Variants in ZFAT observed in about 807,000 individuals in gnomAD.
ZFAT encodes the protein zinc finger and AT-hook domain containing, also known as zinc finger protein ZFAT.
A neutral mutation model predicts 117.7 loss-of-function variants in ZFAT; 64 were observed. The observed-to-expected ratio is 0.54, with a 90% CI of 0.44 to 0.67. ZFAT has a LOEUF of 0.67. Ranked by LOEUF, ZFAT falls within the 30% of genes least tolerant of loss-of-function variation. ZFAT has a pLI of 0.00. For missense variants in ZFAT, 1,433 were observed against 1,584.5 expected, an observed-to-expected ratio of 0.90 and a Z score of 1.62; for synonymous variants, 679 against 615.0, an observed-to-expected ratio of 1.10 and a Z score of -1.54.
At position 134,621,420 on chromosome 8, in the gene ZFAT, A is replaced by G. The variant is rs958062205; in HGVS notation, c.449-10765T>C. 2.6e-5 allele frequency among the ~76,000 whole-genome samples: 4 copies of G among 152,278 alleles called. No individual in the cohort carries two copies. The East Asian group carries it at 7.7e-4, about 29-fold the overall frequency. ...TTACAAAGCACTGTCTTGAGCATTA[A>G]CTAGCACCTGTATCTCTACTATTAT... On this transcript the variant is annotated intron_variant, in intron 3 of 15. Transcript: ENST00000377838.
Position 134,712,945 on chromosome 8 carries a change from C to A in ZFAT, c.-82G>T. 7.1e-7 allele frequency: 1 copy of A among 1,404,092 alleles called. No individual in the cohort carries two copies. Among genetic ancestry groups the A allele is most frequent in the Non-Finnish European group, 9.4e-7 (1 of 1,066,988 alleles). 87.0% of individuals were successfully genotyped at this position (1,404,092 alleles called of 1,614,324 possible). A position where few individuals can be genotyped will look rare whatever the true frequency, so the allele number is the denominator to read the frequency against. On this transcript the variant is annotated 5_prime_UTR_variant, in exon 1 of 16. It adds an upstream start codon to the 5' untranslated region. Transcript: ENST00000377838. The stretch of plus-strand genomic sequence containing the variant: ...GTGCCGACCGAGGGGGCGGGGCGCC[C>A]TGCTGACGCTTCGCTTTTTATTTTT...
At chr8:134,648,550 TAGAC>T (rs1192456976) in intron 2 of ZFAT, among the ~76,000 whole-genome samples, 1 of 152,010 alleles carries the variant, frequency 6.6e-6, no homozygotes, top group Non-Finnish European at 1.5e-5. Flanking sequence ...GTCAACAAAT[TAGAC>T]AATCTAGACA....
chr8:134,548,771 C>T (rs117796025), intron 11 of ZFAT, among the ~76,000 whole-genome samples: 5,585 of 152,226 alleles, frequency 0.037, 144 homozygotes, highest in Non-Finnish European at 0.057. Context: ...AGAGGGCACA[C>T]CATGGAAAAC....
intron 11 of ZFAT, among the ~76,000 whole-genome samples, chr8:134,538,617 C>T (rs1405940119): frequency 2.0e-5 from 3 of 151,752 alleles, no homozygotes; most frequent in East Asian, 1.9e-4. Context: ...GGTAACATGG[C>T]GAAACCCCTT....
intron 2 of ZFAT, among the ~76,000 whole-genome samples, chr8:134,645,503 GA>G (rs1211335397): frequency 2.6e-5 from 4 of 151,918 alleles, no homozygotes; most frequent in African/African-American, 9.7e-5. Context: ...ACACAAAAAA[GA>G]AAACATACGG....
chr8:134,687,589 T>C (rs1173179140), intron 1 of ZFAT, among the ~76,000 whole-genome samples: 1 of 151,550 alleles, frequency 6.6e-6, no homozygotes, highest in Non-Finnish European at 1.5e-5. Context: ...CGAGAGCAGA[T>C]GTGTGGGAAG....
intron 4 of ZFAT, among the ~76,000 whole-genome samples, chr8:134,610,095 G>C (rs932083363): frequency 8.5e-5 from 13 of 152,198 alleles, no homozygotes; most frequent in Non-Finnish European, 1.3e-4. Flanking sequence ...TGGCTGAATG[G>C]GCTGGCCTCA....
intron 9 of ZFAT, 48 bp from the exon 10 acceptor site, chr8:134,584,053 T>A (rs1358364881): frequency 1.3e-6 from 2 of 1,505,634 alleles, no homozygotes; most frequent in South Asian, 2.5e-5. Context: ...CATACGTTTA[T>A]GCATATGTGT....
intron 11 of ZFAT, among the ~76,000 whole-genome samples, chr8:134,557,607 C>T (rs1222175982): frequency 6.6e-6 from 1 of 151,816 alleles, no homozygotes; most frequent in Non-Finnish European, 1.5e-5. Flanking sequence ...TACAACTGTT[C>T]TAAAATAAAA....
intron 3 of ZFAT, among the ~76,000 whole-genome samples, chr8:134,624,899 T>C (rs1045940045): frequency 6.6e-6 from 1 of 150,720 alleles, no homozygotes; most frequent in Non-Finnish European, 1.5e-5. Flanking sequence ...TATTCTAAAG[T>C]ACCTATTCTA....
At chr8:134,531,879 C>T (rs919791288) in intron 12 of ZFAT, among the ~76,000 whole-genome samples, 2 of 152,210 alleles carry the variant, frequency 1.3e-5, no homozygotes, top group African/African-American at 2.4e-5. Flanking sequence ...CGGAGCTTCA[C>T]GCTGAAACAA....
intron 1 of ZFAT, among the ~76,000 whole-genome samples, chr8:134,710,575 C>A (rs2131371703): frequency 6.6e-6 from 1 of 152,300 alleles, no homozygotes; most frequent in South Asian, 2.1e-4. Context: ...GATCCCATAT[C>A]CAAAATGCTT....
Position 134,618,147 on chromosome 8 carries a change from G to T in ZFAT, c.449-7492C>A, listed in dbSNP as rs139572849. Reference sequence around the variant, plus strand: ...TGAACCTCTTTTTCTTCCCAGTCTCGGGAAGAAAAATGTCTTTATCAGCAG... The same window carrying T: ...TGAACCTCTTTTTCTTCCCAGTCTCTGGAAGAAAAATGTCTTTATCAGCAG... On this transcript the variant is annotated intron_variant, in intron 3 of 15. Coordinates refer to ENST00000377838, the MANE Select transcript of ZFAT (RefSeq NM_020863.4). Among the ~76,000 whole-genome samples, 484 of 152,064 alleles carry T rather than the reference G, an allele frequency of 3.2e-3. 1 individual carries two copies. Among genetic ancestry groups the T allele is most frequent in the Non-Finnish European group, 4.4e-3 (302 of 67,986 alleles).
At chr8:134,484,548 T>C (rs1255376050) in intron 15 of ZFAT, among the ~76,000 whole-genome samples, 1 of 152,168 alleles carries the variant, frequency 6.6e-6, no homozygotes, top group Non-Finnish European at 1.5e-5. Flanking sequence ...AATCACCTTA[T>C]TCTATGGAAG....
chr8:134,509,743 C>A lies in ZFAT; in HGVS notation c.3368G>T (p.Arg1123Leu), dbSNP rs759539184. The A allele has an allele frequency of 6.2e-7, 1 of 1,602,856 alleles. No homozygotes were observed. Among genetic ancestry groups the A allele is most frequent in the Non-Finnish European group, 8.5e-7 (1 of 1,176,138 alleles). ...DLRYTSESGD[R>L]LDPTAVNILQ... Reference sequence around the variant, plus strand: ...GATGTTCACGGCCGTGGGGTCCAGTCGGTCGCCTTAAGAGGAAGAAGCAAA... The same window carrying A: ...GATGTTCACGGCCGTGGGGTCCAGTAGGTCGCCTTAAGAGGAAGAAGCAAA... Residue 1123 changes from arginine (R) to leucine (L), a missense_variant, in exon 15 of 16, where the codon CGA (arginine) becomes CTA (leucine). Coordinates refer to ENST00000377838, the MANE Select transcript of ZFAT (RefSeq NM_020863.4).
At chr8:134,787,570 G>C in the ZFAT span, among the ~76,000 whole-genome samples, 2 of 152,166 alleles carry the variant, frequency 1.3e-5, no homozygotes, top group Non-Finnish European at 2.9e-5. Context: ...GCCAACAACA[G>C]TGTTAATTAC....
chr8:134,611,240 G>A (rs575550433), intron 3 of ZFAT, among the ~76,000 whole-genome samples: 8 of 152,348 alleles, frequency 5.3e-5, no homozygotes, highest in East Asian at 3.9e-4. Context: ...TCTCCACTTC[G>A]TGGGGAGGTA....
At chr8:134,580,205 C>T (rs1825623166) in intron 10 of ZFAT, among the ~76,000 whole-genome samples, 1 of 151,624 alleles carries the variant, frequency 6.6e-6, no homozygotes. Flanking sequence ...ACCAAAATCA[C>T]CCTACTAGGA....
At chr8:134,637,119 G>T (rs557575304) in intron 3 of ZFAT, among the ~76,000 whole-genome samples, 105 of 152,308 alleles carry the variant, frequency 6.9e-4, no homozygotes, top group Non-Finnish European at 1.2e-3. Flanking sequence ...CTGACAATTT[G>T]TTATCGATTA....
Sources: allele counts gnomAD v4.1 joint callset (sites outside exome capture counted in the v4.1 genomes callset), GRCh38; gene constraint gnomAD v4.1.1; transcripts MANE v1.5; gene names NCBI Gene and HGNC (gene_info 2026-07-23, HGNC 2026-07-21).